The following ITGA6 variants were observed in gnomAD, a reference collection of about 807,000 sequenced individuals.
ITGA6 encodes the protein integrin subunit alpha 6, also known as integrin alpha-6.
A neutral mutation model predicts 133.6 loss-of-function variants in ITGA6; 63 were observed. The observed-to-expected ratio is 0.47, with a 90% CI of 0.38 to 0.58. ITGA6 has a LOEUF of 0.58. ITGA6 is among the 20% of genes least tolerant of loss of function. The pLI, the probability that ITGA6 is intolerant of heterozygous loss-of-function variation, is 0.00. For missense variants in ITGA6, 1,068 were observed against 1,309.4 expected (o/e 0.82, Z 2.85); for synonymous variants, 434 against 482.0 (o/e 0.90, Z 1.30).
chr2:172,497,874 A>G (rs1013068895), intron 23 of ITGA6, 101 bp from the exon 24 acceptor site: 2 of 1,246,910 alleles, frequency 1.6e-6, no homozygotes, highest in Admixed American at 3.4e-5. Flanking sequence ...CACAGGCTGC[A>G]TTGTCCAAAA....
At chr2:172,452,789 G>T (rs1352777436) in intron 1 of ITGA6, among the ~76,000 whole-genome samples, 1 of 152,176 alleles carries the variant, frequency 6.6e-6, no homozygotes, top group African/African-American at 2.4e-5. Flanking sequence ...ACAGATAAGG[G>T]CATCTGCATT....
rs1248325780 is a variant in ITGA6 at position 172,505,693 on chromosome 2, AAC to A, written c.*1629_*1630del. The A allele has an allele frequency of 6.6e-6, 1 of 152,596 alleles. No individual in the cohort carries two copies. Among genetic ancestry groups the A allele is most frequent in the Non-Finnish European group, 1.5e-5 (1 of 68,018 alleles). 9.5% of individuals were successfully genotyped at this position (152,596 alleles called of 1,614,324 possible). On this transcript the variant is annotated 3_prime_UTR_variant, in exon 26 of 26. Coordinates refer to ENST00000684293, the MANE Select transcript of ITGA6 (RefSeq NM_000210.4). ...CAGTGTCTGTGTTTTGAAAGAATAG[AAC>A]ACAGTTTGTAGTGCCACTGTTGTTT...
rs780969691 is a variant in ITGA6, at chr2:172,427,952, A to C, written c.164A>C (p.Gln55Pro). Reference sequence around the variant, plus strand: ...TCGCTGGCCATGCACTGGCAACTGCAGCCCGAGGACAAGCGGCTGTGAGTT... The same window carrying C: ...TCGCTGGCCATGCACTGGCAACTGCCGCCCGAGGACAAGCGGCTGTGAGTT... Reference protein sequence around the residue: ...GFSLAMHWQLQPEDKRLLLVG... With the variant: ...GFSLAMHWQLPPEDKRLLLVG... The change falls in exon 1 of 26, where the codon CAG (glutamine) becomes CCG (proline). Residue 55 changes from glutamine to proline, a missense_variant. Coordinates refer to ENST00000684293, the MANE Select transcript of ITGA6 (RefSeq NM_000210.4). 1 of 1,605,176 alleles carries C rather than the reference A, an allele frequency of 6.2e-7. No individual in the cohort carries two copies. The highest frequency in any genetic ancestry group is 8.5e-7 in the Non-Finnish European group (1 of 1,176,418).
At chr2:172,497,355 G>C (rs2034238360) in intron 23 of ITGA6, among the ~76,000 whole-genome samples, 1 of 152,046 alleles carries the variant, frequency 6.6e-6, no homozygotes, top group South Asian at 2.1e-4. Flanking sequence ...AAAATTAGCT[G>C]TGAGTGGTGG....
chr2:172,430,252 A>G (rs1684053052), intron 1 of ITGA6, among the ~76,000 whole-genome samples: 1 of 152,254 alleles, frequency 6.6e-6, no homozygotes, highest in African/African-American at 2.4e-5. Context: ...ACTAAATGGT[A>G]GCTGTTAATG....
At chr2:172,468,978 C>G in intron 3 of ITGA6, 147 bp from the exon 4 acceptor site, 1 of 804,940 alleles carries the variant, frequency 1.2e-6, no homozygotes, top group Non-Finnish European at 2.1e-6. Context: ...GGAATATTTG[C>G]TGGTCTGGGA....
intron 5 of ITGA6, chr2:172,472,768 G>C: frequency 6.3e-7 from 1 of 1,581,126 alleles, no homozygotes; most frequent in Non-Finnish European, 8.7e-7. Context: ...CCGTGCATGC[G>C]TACAGGCCTG....
chr2:172,446,054 G>A (rs1684756544), intron 1 of ITGA6, among the ~76,000 whole-genome samples: 1 of 152,232 alleles, frequency 6.6e-6, no homozygotes, highest in Non-Finnish European at 1.5e-5. Flanking sequence ...TTTACTATGG[G>A]AAAGAGGAGA....
At chr2:172,438,249 A>G (rs895771015) in intron 1 of ITGA6, among the ~76,000 whole-genome samples, 6 of 151,756 alleles carry the variant, frequency 4.0e-5, no homozygotes, top group African/African-American at 1.4e-4. Context: ...TGACCTCACC[A>G]ACTGAGTAGG....
At chr2:172,460,311 A>G (rs1226212265) in intron 1 of ITGA6, among the ~76,000 whole-genome samples, 2 of 152,248 alleles carry the variant, frequency 1.3e-5, no homozygotes, top group African/African-American at 4.8e-5. Flanking sequence ...AACTAAGAGG[A>G]AAGTTTGGAA....
Position 172,476,377 on chromosome 2 carries a change from A to T in ITGA6, c.1270-18A>T. 7.9e-7 allele frequency: 1 copy of T among 1,271,112 alleles called. No homozygotes were observed. The highest frequency in any genetic ancestry group is 1.2e-6 in the Non-Finnish European group (1 of 867,216). The allele number at this position is 1,271,112 out of a possible 1,614,324, so 78.7% of individuals were successfully genotyped here. A position where few individuals can be genotyped will look rare whatever the true frequency, so the allele number is the denominator to read the frequency against. ...TGGTGATAACCTAATGTCCATTCGG[A>T]TGCCCTGTGTATTTCAGGTTCTCAA... On this transcript the variant is annotated intron_variant, in intron 8 of 25. Transcript: ENST00000684293.
At position 172,491,526 on chromosome 2, in the gene ITGA6, G is replaced by A; in HGVS notation, c.2988+3G>A. 1 of 1,596,958 alleles carries A rather than the reference G, an allele frequency of 6.3e-7. No individual in the cohort carries two copies. The highest frequency in any genetic ancestry group is 8.6e-7 in the Non-Finnish European group (1 of 1,164,988). Reference sequence around the variant, plus strand: ...GGCTGCCAAATGCAGGCACTCAGGTGAGAGGTTCCCCAGCTTCATTCAGGT... The same window carrying A: ...GGCTGCCAAATGCAGGCACTCAGGTAAGAGGTTCCCCAGCTTCATTCAGGT... On this transcript the variant is annotated splice_donor_region_variant and intron_variant, in intron 23 of 25. Coordinates refer to ENST00000684293, the MANE Select transcript of ITGA6 (RefSeq NM_000210.4). This position sits in a 1 kb window ranked among gnomAD's most constrained non-coding sequence, Gnocchi z 4.4.
chr2:172,435,616 CTTTTTTT>C (rs58005683), intron 1 of ITGA6, among the ~76,000 whole-genome samples: 188 of 82,242 alleles, frequency 2.3e-3, no homozygotes, highest in Middle Eastern at 0.02. Flanking sequence ...AGTTTTGTTT[CTTTTTTT>C]TTTTTTTTTT....
In ITGA6 at chr2:172,487,424, T is replaced by G; in HGVS notation, c.2131T>G (p.Ser711Ala). 6.2e-7 allele frequency: 1 copy of G among 1,614,162 alleles called. No homozygotes were observed. The highest frequency in any genetic ancestry group is 1.6e-4 in the Middle Eastern group (1 of 6,062). Residue 711 changes from serine to alanine, a missense_variant, in exon 15 of 26, where the codon TCT (serine) becomes GCT (alanine). By Grantham distance (99) the Ser-to-Ala change is moderately conservative. Around this residue, in one of 3 missense-constraint regions of ITGA6, gnomAD observed 609 missense variants for 707.2 expected, o/e 0.86. Transcript: ENST00000684293. ...IATFPDTLTYSAYRELRAFPE... is the reference protein window; with the variant it reads ...IATFPDTLTYAAYRELRAFPE... ...AACGTTTCCAGACACTTTAACCTATTCTGCATATAGAGAACTGAGGGCTTT... is the reference window on the plus strand; with the variant it reads ...AACGTTTCCAGACACTTTAACCTATGCTGCATATAGAGAACTGAGGGCTTT...
intron 24 of ITGA6, among the ~76,000 whole-genome samples, chr2:172,500,547 GTGA>G (rs1370672578): frequency 6.6e-6 from 1 of 152,146 alleles, no homozygotes; most frequent in African/African-American, 2.4e-5. Flanking sequence ...GGAGAATGGT[GTGA>G]ACCTGGGAGG....
intron 13 of ITGA6, among the ~76,000 whole-genome samples, chr2:172,485,618 G>C (rs1686633391): frequency 6.6e-6 from 1 of 152,174 alleles, no homozygotes; most frequent in Non-Finnish European, 1.5e-5. Context: ...CTGAAATGTA[G>C]AAAGCAGTGT....
intron 8 of ITGA6, 120 bp from the exon 9 acceptor site, chr2:172,476,270 ATAATT>A: frequency 2.7e-6 from 2 of 734,386 alleles, no homozygotes; most frequent in South Asian, 1.5e-5. Context: ...TGTATATAAT[ATAATT>A]TACTTATAAG....
intron 23 of ITGA6, among the ~76,000 whole-genome samples, chr2:172,494,943 TAAATTCAGAGAACAACTTA>T (rs960664139): frequency 3.1e-4 from 47 of 152,254 alleles, no homozygotes; most frequent in African/African-American, 3.6e-4. Context: ...CTTTTGGCTC[TAAATTCAGAGAACAACTTA>T]AAATTCAGAG....
intron 1 of ITGA6, among the ~76,000 whole-genome samples, chr2:172,462,868 C>T (rs548316475): frequency 8.6e-4 from 131 of 152,292 alleles, no homozygotes; most frequent in African/African-American, 3.0e-3. Flanking sequence ...TGCTGATCCT[C>T]GACCCCTTCT....
Sources: allele counts gnomAD v4.1 joint callset (sites outside exome capture counted in the v4.1 genomes callset), GRCh38; gene constraint gnomAD v4.1.1; regional missense constraint gnomAD v4.1.1; non-coding constraint Gnocchi (gnomAD v3.1); transcripts MANE v1.5; gene names NCBI Gene and HGNC (gene_info 2026-07-23, HGNC 2026-07-21).